ERC2: variants seen among roughly 807,000 people sequenced by gnomAD.
ERC2 encodes ERC protein 2.
In ERC2, 42 loss-of-function variants were observed where a neutral mutation model predicts 114.8. That is an observed-to-expected ratio of 0.37 (90% CI 0.29 to 0.47). The LOEUF (loss-of-function observed/expected upper bound fraction) is 0.47. ERC2 is among the 20% of genes least tolerant of loss of function. The pLI is 0.99. For missense variants in ERC2, 939 were observed against 1,150.7 expected (o/e 0.82, Z 2.66); for synonymous variants, 454 against 425.5 (o/e 1.07, Z -0.82).
intron 3 of ERC2, among the ~76,000 whole-genome samples, chr3:56,259,734 G>A (rs1201386335): frequency 6.6e-6 from 1 of 152,040 alleles, no homozygotes; most frequent in Non-Finnish European, 1.5e-5. Context: ...TGCCCTAAGG[G>A]ACCATGGAAA....
intron 7 of ERC2, among the ~76,000 whole-genome samples, chr3:56,067,502 A>T (rs1169700292): frequency 6.6e-6 from 1 of 152,162 alleles, no homozygotes; most frequent in East Asian, 1.9e-4. Flanking sequence ...AAATAGAGAC[A>T]ATTTTACTTC....
At chr3:55,643,310 T>A (rs1318328569) in intron 17 of ERC2, among the ~76,000 whole-genome samples, 1 of 152,230 alleles carries the variant, frequency 6.6e-6, no homozygotes, top group Non-Finnish European at 1.5e-5. Flanking sequence ...GGAAGATTTT[T>A]CAAAATCTTA....
intron 3 of ERC2, among the ~76,000 whole-genome samples, chr3:56,194,343 G>A (rs115132681): frequency 0.014 from 2,130 of 152,276 alleles, 54 homozygotes; most frequent in African/African-American, 0.048. Context: ...CTCAAGATGA[G>A]ATAATCCTAG....
At chr3:56,097,973 C>T (rs2078154919) in intron 6 of ERC2, among the ~76,000 whole-genome samples, 1 of 152,152 alleles carries the variant, frequency 6.6e-6, no homozygotes, top group Non-Finnish European at 1.5e-5. Flanking sequence ...AAAAATCATG[C>T]CCCTAGCTTT....
At chr3:55,964,723 C>T (rs765152164) in intron 12 of ERC2, among the ~76,000 whole-genome samples, 1 of 152,230 alleles carries the variant, frequency 6.6e-6, no homozygotes, top group Non-Finnish European at 1.5e-5. Flanking sequence ...TCTTACCAGG[C>T]TGAAATCAGG....
At chr3:55,967,720 G>A (rs2068845921) in intron 12 of ERC2, among the ~76,000 whole-genome samples, 1 of 152,196 alleles carries the variant, frequency 6.6e-6, no homozygotes, top group Non-Finnish European at 1.5e-5. Context: ...GAAGGTGGGG[G>A]CCTAATGGGA....
chr3:56,421,911 A>C (rs2061405290), intron 2 of ERC2, among the ~76,000 whole-genome samples: 7 of 152,292 alleles, frequency 4.6e-5, no homozygotes, highest in African/African-American at 1.7e-4. Context: ...AGAGTGGATA[A>C]CTTAGTAAAT....
rs541877515 is a variant in ERC2 at position 55,806,817 on chromosome 3, C to T, written c.2565-71899G>A. Among the ~76,000 whole-genome samples, 3 of 152,276 alleles carry T rather than the reference C, an allele frequency of 2.0e-5. No individual in the cohort carries two copies. The East Asian group carries it at 5.8e-4, about 29-fold the overall frequency. On this transcript the variant is annotated intron_variant, in intron 14 of 17. Coordinates refer to ENST00000288221, the MANE Select transcript of ERC2 (RefSeq NM_015576.3). ...GCTCTACCCCTAAGTAGCCAACTGA[C>T]GTTGGGCAAATGACTTATCCTCACT...
chr3:56,110,999 A>G (rs1425517625), intron 6 of ERC2, among the ~76,000 whole-genome samples: 1 of 151,966 alleles, frequency 6.6e-6, no homozygotes, highest in East Asian at 1.9e-4. Context: ...AGATGTTTTC[A>G]AGGGGGTGGG....
chr3:56,104,903 C>T lies in ERC2; in HGVS notation c.1474-23919G>A, dbSNP rs151228984. 4.7e-4 allele frequency among the ~76,000 whole-genome samples: 71 copies of T among 152,088 alleles called. No homozygotes were observed. The East Asian group carries it at 9.7e-3, about 21-fold the overall frequency. On this transcript the variant is annotated intron_variant, in intron 6 of 17. Coordinates refer to ENST00000288221, the MANE Select transcript of ERC2 (RefSeq NM_015576.3). ...TAGTAAATAATTAGGTTATATAGAA[C>T]GCTAGAAAATGTCATAGAGCAAGCC...
At chr3:56,123,249 A>G (rs911426624) in intron 6 of ERC2, among the ~76,000 whole-genome samples, 52 of 152,064 alleles carry the variant, frequency 3.4e-4, no homozygotes, top group African/African-American at 1.3e-3. Context: ...TTTTAGAGGT[A>G]ATTAGGTCAT....
chr3:55,830,190 T>A (rs2060507448), intron 14 of ERC2, among the ~76,000 whole-genome samples: 2 of 152,310 alleles, frequency 1.3e-5, no homozygotes, highest in South Asian at 4.1e-4. Context: ...ACAATTTTTT[T>A]AAATCCTGAC....
At chr3:55,766,975 C>T (rs965973204) in intron 14 of ERC2, among the ~76,000 whole-genome samples, 3 of 152,128 alleles carry the variant, frequency 2.0e-5, no homozygotes, top group Admixed American at 6.5e-5. Context: ...TTTCCCAGGT[C>T]ATATCAACTT....
At chr3:56,426,247 G>T (rs541419205) in intron 2 of ERC2, among the ~76,000 whole-genome samples, 1 of 152,284 alleles carries the variant, frequency 6.6e-6, no homozygotes, top group African/African-American at 2.4e-5. Flanking sequence ...ACAGGTCTGA[G>T]AAGTGAGTAC....
intron 14 of ERC2, among the ~76,000 whole-genome samples, chr3:55,814,626 G>A (rs947037606): frequency 3.3e-5 from 5 of 152,232 alleles, no homozygotes; most frequent in African/African-American, 4.8e-5. Flanking sequence ...TTCTATAGAA[G>A]TAGTTACATG....
At chr3:55,982,733 G>A (rs1419009961) in intron 12 of ERC2, among the ~76,000 whole-genome samples, 5 of 152,148 alleles carry the variant, frequency 3.3e-5, no homozygotes, top group Admixed American at 6.5e-5. Context: ...GGAGGGAATG[G>A]GGCAAAATAC....
chr3:56,148,286 T>C (rs2149946836), intron 5 of ERC2, among the ~76,000 whole-genome samples: 1 of 152,206 alleles, frequency 6.6e-6, no homozygotes, highest in East Asian at 1.9e-4. Context: ...CAAAATAGCT[T>C]AATAACTTTT....
intron 1 of ERC2, among the ~76,000 whole-genome samples, chr3:56,456,788 A>G (rs2063079922): frequency 6.6e-6 from 1 of 152,196 alleles, no homozygotes. Flanking sequence ...GATTGCACAA[A>G]CTGTTGTACA....
chr3:56,088,855 C>T (rs1484744012), intron 6 of ERC2, among the ~76,000 whole-genome samples: 1 of 151,948 alleles, frequency 6.6e-6, no homozygotes, highest in African/African-American at 2.4e-5. Context: ...ACTTAGAAAC[C>T]CTCAATAAAT....
Sources: gnomAD v4.1 joint callset for allele counts (sites outside exome capture counted in the v4.1 genomes callset) on GRCh38, gnomAD v4.1.1 for gene constraint, MANE v1.5 for transcripts, NCBI Gene and HGNC (gene_info 2026-07-23, HGNC 2026-07-21) for gene names.